SEC14L3: variants seen among roughly 807,000 people sequenced by gnomAD.
SEC14L3 encodes SEC14-like protein 3.
Under a neutral mutation model 57.4 loss-of-function variants are expected in SEC14L3, and 56 were observed. The observed-to-expected ratio is 0.97, with a 90% CI of 0.79 to 1.22. The LOEUF (loss-of-function observed/expected upper bound fraction) is 1.22, where lower values mean the gene tolerates loss of function less well. Among genes scored for constraint, SEC14L3 ranks in the 50% most tolerant of loss-of-function variants. SEC14L3 has a pLI of 0.00. For missense variants in SEC14L3, 485 were observed against 511.7 expected, an observed-to-expected ratio of 0.95 and a Z score of 0.50; for synonymous variants, 173 against 194.4, an observed-to-expected ratio of 0.89 and a Z score of 0.92.
intron 6 of SEC14L3, 24 bp downstream of exon 6, chr22:30,466,958 G>T: frequency 6.3e-7 from 1 of 1,599,682 alleles, no homozygotes; most frequent in Non-Finnish European, 8.5e-7. Flanking sequence ...GCAAGCGGGG[G>T]GTGGCCCTAG....
rs1391793286 is a variant in SEC14L3, at chr22:30,449,376, C to G, written c.905-132G>C. The G allele has an allele frequency of 5.5e-6, 7 of 1,272,038 alleles. No homozygotes were observed. In the East Asian group the frequency reaches 1.5e-4, roughly 28 times the overall value. The allele number at this position is 1,272,038 out of a possible 1,614,324, so 78.8% of individuals were successfully genotyped here. ...ATAAAATAGGATTCTATGTGTCATT[C>G]TATAATAGAATGACATTATACAATA... is the stretch of plus-strand genomic sequence containing the variant. On this transcript the variant is annotated intron_variant, in intron 12 of 12. Coordinates refer to the SEC14L3 transcript ENST00000403066.
chr22:30,462,278 G>A (rs1370226845), intron 8 of SEC14L3, 86 bp from the exon 9 acceptor site: 6 of 1,495,792 alleles, frequency 4.0e-6, no homozygotes, highest in Non-Finnish European at 5.4e-6. Context: ...CCTGAACTGG[G>A]GGAGAAGCCC....
intron 11 of SEC14L3, among the ~76,000 whole-genome samples, chr22:30,460,828 C>CAA (rs747778887): frequency 7.7e-4 from 80 of 103,922 alleles, no homozygotes; most frequent in Non-Finnish European, 1.2e-3. Flanking sequence ...AACTCTGTCT[C>CAA]AAAAAAAAAA....
chr22:30,464,791 G>T (rs748163291), intron 8 of SEC14L3, 29 bp downstream of exon 8: 1 of 1,609,494 alleles, frequency 6.2e-7, no homozygotes. Flanking sequence ...CATGTATAGA[G>T]GTCAGGAAAT....
intron 12 of SEC14L3, among the ~76,000 whole-genome samples, chr22:30,449,548 C>A (rs1601805349): frequency 4.8e-5 from 1 of 20,646 alleles, no homozygotes. Context: ...GTTCTTTTTT[C>A]TTTTCTTTTC....
At chr22:30,461,213 G>A in intron 11 of SEC14L3, 97 bp downstream of exon 11, 1 of 1,413,446 alleles carries the variant, frequency 7.1e-7, no homozygotes, top group Non-Finnish European at 9.6e-7. Context: ...GTCCCTGAAT[G>A]GGGGAGGTGT....
rs1199816282 is a variant in SEC14L3, at chr22:30,470,039, G to T, written c.214C>A (p.Leu72Ile). ...CTCACCTCTGGGGGCTGCCAATCAA[G>T]GATATGGTCAATATCCATGGTCTTC... ...FRKTMDIDHI[L>I]DWQPPEVIQK... is the part of the protein sequence containing the mutation. Residue 72 changes from leucine to isoleucine, a missense_variant, in exon 4 of 12, where the codon CTT becomes ATT. By Grantham distance (5) the Leu-to-Ile change is conservative (BLOSUM62 2). Transcript: ENST00000215812. 2 of 1,581,044 alleles carry T rather than the reference G, an allele frequency of 1.3e-6. No individual in the cohort carries two copies. Among genetic ancestry groups the T allele is most frequent in the East Asian group, 4.5e-5 (2 of 44,512 alleles).
exon 13 of SEC14L3, chr22:30,449,017 A>C: frequency 6.8e-7 from 1 of 1,464,612 alleles, no homozygotes; most frequent in East Asian, 2.5e-5. Context: ...AATGGGAAAA[A>C]GAATTAACTG....
intron 4 of SEC14L3, 57 bp downstream of exon 4, chr22:30,469,962 A>C: frequency 7.5e-7 from 1 of 1,327,966 alleles, no homozygotes; most frequent in Admixed American, 2.3e-5. Flanking sequence ...CATGGTCCCC[A>C]GTGACCTTGA....
At chr22:30,453,641 G>T (rs1032279703) in intron 12 of SEC14L3, among the ~76,000 whole-genome samples, 1 of 152,232 alleles carries the variant, frequency 6.6e-6, no homozygotes, top group East Asian at 1.9e-4. Flanking sequence ...TCAAACTCCC[G>T]ACCTCAAATG....
chr22:30,455,215 T>C (rs1317486340), downstream of SEC14L3, among the ~76,000 whole-genome samples: 1 of 102,574 alleles, frequency 9.7e-6, no homozygotes, highest in Admixed American at 1.3e-4. Flanking sequence ...ATATAAATAT[T>C]AAATAATATA....
At chr22:30,460,263 G>C in intron 11 of SEC14L3, 121 bp from the exon 12 acceptor site, 4 of 1,510,420 alleles carry the variant, frequency 2.6e-6, no homozygotes, top group Non-Finnish European at 3.5e-6. Flanking sequence ...GCTGGGCCAA[G>C]CTCCCACCAC....
rs1425902609 is a variant in SEC14L3, at chr22:30,459,974, C to A, written c.*47G>T. Reference sequence around the variant, plus strand: ...GGAGGGAGGGAGTGTAGGATATAAACAGAGAAATCAAAGGGTTAGGAGGTC... The same window carrying A: ...GGAGGGAGGGAGTGTAGGATATAAAAAGAGAAATCAAAGGGTTAGGAGGTC... On this transcript the variant is annotated 3_prime_UTR_variant, in exon 12 of 12. Coordinates refer to ENST00000215812, the MANE Select transcript of SEC14L3 (RefSeq NM_174975.5). 3 of 1,601,820 alleles carry A rather than the reference C, an allele frequency of 1.9e-6. No homozygotes were observed. The Admixed American group carries it at 5.1e-5, about 27-fold the overall frequency.
intron 4 of SEC14L3, 92 bp downstream of exon 4, chr22:30,469,927 C>T (rs193025152): frequency 1.1e-6 from 1 of 949,124 alleles, no homozygotes; most frequent in East Asian, 2.4e-5. Context: ...GTTCCACAGG[C>T]CTCTCAGGCT....
intron 6 of SEC14L3, 129 bp from the exon 7 acceptor site, chr22:30,466,523 TG>T: frequency 8.4e-7 from 1 of 1,191,630 alleles, no homozygotes; most frequent in South Asian, 1.5e-5. Flanking sequence ...TCACCTCCCC[TG>T]GCCTCTGGAG....
downstream of SEC14L3, among the ~76,000 whole-genome samples, chr22:30,454,819 TTATA>T (rs1935066254): frequency 7.9e-5 from 3 of 37,816 alleles, 1 homozygote; most frequent in Non-Finnish European, 1.1e-4. Flanking sequence ...ATTTTATATA[TTATA>T]ATATAATATA....
rs918420454 is a variant in SEC14L3 at position 30,459,294 on chromosome 22, A to G, written c.*727T>C. The G allele has an allele frequency of 4.1e-6, 4 of 985,304 alleles. No individual in the cohort carries two copies. Among genetic ancestry groups the G allele is most frequent in the African/African-American group, 3.5e-5 (2 of 57,250 alleles). The allele number at this position is 985,304 out of a possible 1,614,324, so 61.0% of individuals were successfully genotyped here. On this transcript the variant is annotated 3_prime_UTR_variant, in exon 12 of 12. Transcript: ENST00000215812. The stretch of plus-strand genomic sequence containing the variant: ...TGCCTTTGCTTCCAGGAAAGTCCCT[A>G]AAACATAAGCTATGTGCAACAAGGG...
At chr22:30,452,879 A>G (rs1018360838) in intron 12 of SEC14L3, among the ~76,000 whole-genome samples, 4 of 151,794 alleles carry the variant, frequency 2.6e-5, no homozygotes, top group Admixed American at 1.3e-4. Context: ...ATGGCTTGCT[A>G]ATTTTTTTGT....
chr22:30,456,528 G>A (rs1410673951), downstream of SEC14L3, among the ~76,000 whole-genome samples: 1 of 152,052 alleles, frequency 6.6e-6, no homozygotes, highest in African/African-American at 2.4e-5. Context: ...AGCAAGAAGA[G>A]GGGAGGGGTG....
Sources: gnomAD v4.1 joint callset for allele counts (sites outside exome capture counted in the v4.1 genomes callset) on GRCh38, gnomAD v4.1.1 for gene constraint, MANE v1.5 for transcripts, NCBI Gene and HGNC (gene_info 2026-07-23, HGNC 2026-07-21) for gene names.